Variants in CUBN observed in about 807,000 individuals in gnomAD.
The protein encoded by CUBN is 460 kDa receptor.
In CUBN, 282 loss-of-function variants were observed where a neutral mutation model predicts 405.3. The ratio of observed to expected loss-of-function variants is 0.70; its 90% CI spans 0.63 to 0.77. The LOEUF (loss-of-function observed/expected upper bound fraction) is 0.77, where lower values mean the gene tolerates loss of function less well. Ranked by LOEUF, CUBN falls within the 30% of genes least tolerant of loss-of-function variation. CUBN has a pLI of 0.00. For missense variants in CUBN, 4,514 were observed against 4,475.2 expected (o/e 1.01, Z -0.25); for synonymous variants, 1,684 against 1,617.0 (o/e 1.04, Z -0.99).
At chr10:16,870,668 G>A (rs1474211207) in intron 58 of CUBN, among the ~76,000 whole-genome samples, 2 of 152,218 alleles carry the variant, frequency 1.3e-5, no homozygotes, top group Non-Finnish European at 2.9e-5. Context: ...GCTTCCATCA[G>A]CCTGGGTTGT....
At position 17,068,819 on chromosome 10, in the gene CUBN, A is replaced by G; in HGVS notation, c.2626-49T>C. Reference sequence around the variant, plus strand: ...AAATATGTTGTATATCAATTTTGAAAACTGCTTCAAGAATAATTATTTCTG... The same window carrying G: ...AAATATGTTGTATATCAATTTTGAAGACTGCTTCAAGAATAATTATTTCTG... On this transcript the variant is annotated intron_variant, in intron 19 of 66. Coordinates refer to ENST00000377833, the MANE Select transcript of CUBN (RefSeq NM_001081.4). 4 of 1,353,510 alleles carry G rather than the reference A, an allele frequency of 3.0e-6. No individual in the cohort carries two copies. The South Asian group carries it at 4.7e-5, about 16-fold the overall frequency. 83.8% of individuals were successfully genotyped at this position (1,353,510 alleles called of 1,614,324 possible).
At chr10:16,862,160 T>TCTCTCTCA (rs144560387) in intron 59 of CUBN, among the ~76,000 whole-genome samples, 7 of 131,206 alleles carry the variant, frequency 5.3e-5, no homozygotes, top group African/African-American at 2.3e-4. Context: ...TCTCTCTCTC[T>TCTCTCTCA]CACACACACA....
At chr10:16,857,967 A>G (rs1202391510) in intron 59 of CUBN, among the ~76,000 whole-genome samples, 2 of 152,206 alleles carry the variant, frequency 1.3e-5, no homozygotes, top group South Asian at 2.1e-4. Flanking sequence ...GCAAGAACTC[A>G]GGATAAAGGA....
At chr10:16,921,837 G>T (rs548234395) in intron 43 of CUBN, among the ~76,000 whole-genome samples, 1 of 152,178 alleles carries the variant, frequency 6.6e-6, no homozygotes, top group South Asian at 2.1e-4. Context: ...ATTCAGTCTA[G>T]ATCCCTGTTC....
At position 17,071,567 on chromosome 10, in the gene CUBN, G is replaced by A. The variant is rs899188747; in HGVS notation, c.2484C>T (p.Arg828=). Residue 828 remains arginine (R), a synonymous_variant, in exon 19 of 67, where the codon CGC becomes CGT. Coordinates refer to ENST00000377833, the MANE Select transcript of CUBN (RefSeq NM_001081.4). ...GDELTGEGVI[R]SPFFPNVYPG... ...GATACACGTTAGGAAAAAAAGGCGA[G>A]CGAATGACCCCTTCTCCAGTTAATT... 13 of 1,613,664 alleles carry A rather than the reference G, an allele frequency of 8.1e-6. No individual in the cohort carries two copies. The highest frequency in any genetic ancestry group is 1.3e-5 in the African/African-American group (1 of 74,880).
intron 60 of CUBN, among the ~76,000 whole-genome samples, chr10:16,848,634 C>G (rs1490911992): frequency 7.1e-6 from 1 of 140,018 alleles, no homozygotes; most frequent in Non-Finnish European, 1.5e-5. Context: ...GGAGAGCTCT[C>G]AAACAGTTTT....
intron 27 of CUBN, among the ~76,000 whole-genome samples, chr10:17,025,541 A>G (rs1588593276): frequency 1.3e-5 from 2 of 152,240 alleles, no homozygotes; most frequent in East Asian, 1.9e-4. Context: ...AAGGTTTGCT[A>G]TGAGGCCTGG....
At chr10:17,057,170 C>T (rs1050965831) in intron 22 of CUBN, among the ~76,000 whole-genome samples, 1 of 152,130 alleles carries the variant, frequency 6.6e-6, no homozygotes, top group African/African-American at 2.4e-5. Flanking sequence ...TAGAAAAAAT[C>T]AGCTTCACTG....
At chr10:17,044,072 T>A (rs947376768) in intron 25 of CUBN, 89 bp from the exon 26 acceptor site, 6 of 628,474 alleles carry the variant, frequency 9.5e-6, no homozygotes, top group African/African-American at 7.9e-5. Flanking sequence ...GAAGAAAAAA[T>A]ATATATATTT....
At position 17,093,678 on chromosome 10, in the gene CUBN, A is replaced by G. The variant is rs186276892; in HGVS notation, c.1766-5333T>C. On this transcript the variant is annotated intron_variant, in intron 14 of 66. Coordinates refer to ENST00000377833, the MANE Select transcript of CUBN (RefSeq NM_001081.4). The stretch of plus-strand genomic sequence containing the variant: ...CTGACTAGGCCTGTGAGGAAGTAGT[A>G]AAAAAAAAACCAAAACCCAATAATA... Among the ~76,000 whole-genome samples the G allele has an allele frequency of 2.2e-3, 328 of 148,666 alleles. 1 individual carries two copies. Among genetic ancestry groups the G allele is most frequent in the Admixed American group, 4.7e-3 (70 of 14,862 alleles).
intron 59 of CUBN, among the ~76,000 whole-genome samples, chr10:16,860,556 C>T (rs928471655): frequency 9.9e-5 from 15 of 152,194 alleles, no homozygotes; most frequent in African/African-American, 3.4e-4. Context: ...CTACTGATCA[C>T]TAGCTGGATA....
chr10:16,928,408 A>G, intron 40 of CUBN, 105 bp from the exon 41 acceptor site: 1 of 1,184,566 alleles, frequency 8.4e-7, no homozygotes, highest in Admixed American at 1.9e-5. Context: ...TCAGAACATC[A>G]GGACTCGTAG....
chr10:17,065,433 C>T, intron 22 of CUBN, 75 bp downstream of exon 22: 1 of 1,581,004 alleles, frequency 6.3e-7, no homozygotes, highest in Non-Finnish European at 8.7e-7. Context: ...ATGATGTATT[C>T]TCATTGTGTT....
intron 45 of CUBN, among the ~76,000 whole-genome samples, chr10:16,916,699 C>G (rs1271076126): frequency 6.6e-6 from 1 of 152,080 alleles, no homozygotes; most frequent in Non-Finnish European, 1.5e-5. Flanking sequence ...CTATTAGATA[C>G]CAAATTATGT....
chr10:17,087,285 C>CT (rs1432519019), intron 15 of CUBN, among the ~76,000 whole-genome samples: 5 of 151,870 alleles, frequency 3.3e-5, no homozygotes, highest in African/African-American at 1.2e-4. Context: ...AAGAGCAACA[C>CT]TTTTTGATGC....
In CUBN at chr10:16,925,612, G is replaced by T. The variant is rs1564427151; in HGVS notation, c.6434C>A (p.Ser2145Tyr). 1.9e-6 allele frequency: 3 copies of T among 1,614,020 alleles called. No individual in the cohort carries two copies. Among genetic ancestry groups the T allele is most frequent in the Non-Finnish European group, 1.7e-6 (2 of 1,179,960 alleles). The change falls in exon 42 of 67, where the codon TCT (serine) becomes TAT (tyrosine). Residue 2145 changes from serine (S) to tyrosine (Y), a missense_variant. Physicochemically the swap from Ser to Tyr is moderately radical, Grantham distance 144 (BLOSUM62 -2). Transcript: ENST00000377833. ...CAAGTAATCCCCCTGGTTGCAAGAA[G>T]AATCTCCATTTGGAATCTGGAAAGG... Reference protein sequence around the residue: ...EQPFQIPNGDSSCNQGDYLVL... With the variant: ...EQPFQIPNGDYSCNQGDYLVL...
intron 57 of CUBN, 119 bp downstream of exon 57, chr10:16,876,778 T>A: frequency 2.2e-6 from 2 of 921,318 alleles, no homozygotes; most frequent in Non-Finnish European, 3.5e-6. Flanking sequence ...ACTGACAATC[T>A]TTTTCCCTTA....
chr10:16,862,699 T>C (rs1162153926), intron 59 of CUBN, among the ~76,000 whole-genome samples: 1 of 152,214 alleles, frequency 6.6e-6, no homozygotes, highest in Non-Finnish European at 1.5e-5. Flanking sequence ...GGGAATGCTA[T>C]AACAAAGCCA....
chr10:17,021,147 G>T (rs1446573794), intron 27 of CUBN, among the ~76,000 whole-genome samples: 2 of 151,754 alleles, frequency 1.3e-5, no homozygotes, highest in Admixed American at 6.6e-5. Context: ...GGGGCATTTA[G>T]ATTTCTTCTC....
Sources: gnomAD v4.1 joint callset for allele counts (sites outside exome capture counted in the v4.1 genomes callset) on GRCh38, gnomAD v4.1.1 for gene constraint, MANE v1.5 for transcripts, NCBI Gene and HGNC (gene_info 2026-07-23, HGNC 2026-07-21) for gene names.